The following CDH12 variants were observed in gnomAD, a reference collection of about 807,000 sequenced individuals.
The protein encoded by CDH12 is cadherin 12.
CDH12 carries 41 observed loss-of-function variants against 74.1 expected under a neutral mutation model. That is an observed-to-expected ratio of 0.55 (90% CI 0.43 to 0.72). The LOEUF (loss-of-function observed/expected upper bound fraction) is 0.72. CDH12 is among the 30% of genes least tolerant of loss of function. The pLI, the probability that CDH12 is intolerant of heterozygous loss-of-function variation, is 0.00. For missense variants in CDH12, 945 were observed against 977.2 expected (o/e 0.97, Z 0.44); for synonymous variants, 399 against 355.0 (o/e 1.12, Z -1.39).
At chr5:22,511,953 G>GTT (rs1045105459) in intron 1 of CDH12, among the ~76,000 whole-genome samples, 1 of 151,870 alleles carries the variant, frequency 6.6e-6, no homozygotes, top group Non-Finnish European at 1.5e-5. Context: ...GTGTGTGTGT[G>GTT]TGTGTACATT....
chr5:22,630,383 C>G (rs1028461411), intron 1 of CDH12, among the ~76,000 whole-genome samples: 2 of 151,952 alleles, frequency 1.3e-5, no homozygotes, highest in Non-Finnish European at 2.9e-5. Flanking sequence ...CCACATTATC[C>G]AACTTCGAAC....
chr5:21,811,724 A>C (rs1476149934), intron 9 of CDH12, among the ~76,000 whole-genome samples: 1 of 32,402 alleles, frequency 3.1e-5, no homozygotes, highest in African/African-American at 8.6e-5. Flanking sequence ...TTTTTTTTTT[A>C]CAGTTTTCTC....
At chr5:22,674,704 A>G (rs1156978178) in intron 1 of CDH12, among the ~76,000 whole-genome samples, 2 of 152,166 alleles carry the variant, frequency 1.3e-5, no homozygotes, top group Non-Finnish European at 2.9e-5. Flanking sequence ...GATATGGACA[A>G]AGAGTTCCAG....
intron 4 of CDH12, among the ~76,000 whole-genome samples, chr5:22,198,804 T>C (rs929395402): frequency 6.6e-6 from 1 of 152,108 alleles, no homozygotes; most frequent in African/African-American, 2.4e-5. Context: ...TTTCAATAAA[T>C]ATAACACAAG....
chr5:22,241,568 C>T (rs7711044), intron 3 of CDH12, among the ~76,000 whole-genome samples: 140,789 of 152,006 alleles, frequency 0.93, 65,502 homozygotes, highest in Non-Finnish European at 0.97. Flanking sequence ...GTGTATTTTA[C>T]GTAATTCTTA....
chr5:22,633,876 T>C (rs1738703857), intron 1 of CDH12, among the ~76,000 whole-genome samples: 1 of 152,130 alleles, frequency 6.6e-6, no homozygotes, highest in Non-Finnish European at 1.5e-5. Context: ...GATACACATC[T>C]CCTATTAATT....
intron 10 of CDH12, among the ~76,000 whole-genome samples, chr5:21,795,105 C>A (rs962035044): frequency 1.3e-5 from 2 of 151,538 alleles, no homozygotes; most frequent in Non-Finnish European, 3.0e-5. Context: ...CAATGTGAAT[C>A]TTAATATAAT....
chr5:22,564,846 G>C (rs1347655041), intron 1 of CDH12, among the ~76,000 whole-genome samples: 1 of 152,162 alleles, frequency 6.6e-6, no homozygotes, highest in Non-Finnish European at 1.5e-5. Flanking sequence ...TGGTTATAGT[G>C]AATAGTGCTG....
At chr5:22,443,780 T>A (rs1454962726) in intron 2 of CDH12, among the ~76,000 whole-genome samples, 1 of 152,128 alleles carries the variant, frequency 6.6e-6, no homozygotes, top group Non-Finnish European at 1.5e-5. Flanking sequence ...TTCCAAATTC[T>A]TTTTTGGTTC....
At chr5:22,667,031 T>A (rs1366033071) in intron 1 of CDH12, among the ~76,000 whole-genome samples, 1 of 152,208 alleles carries the variant, frequency 6.6e-6, no homozygotes, top group Non-Finnish European at 1.5e-5. Context: ...CCTCCTCTAT[T>A]CCTATATCAG....
chr5:22,269,155 C>T (rs896186453), intron 3 of CDH12, among the ~76,000 whole-genome samples: 2 of 152,092 alleles, frequency 1.3e-5, no homozygotes, highest in African/African-American at 2.4e-5. Flanking sequence ...TTAAACACTT[C>T]TTGACAAAGA....
chr5:21,884,954 T>A (rs186963056), intron 6 of CDH12, among the ~76,000 whole-genome samples: 333 of 152,188 alleles, frequency 2.2e-3, no homozygotes, highest in Non-Finnish European at 3.6e-3. Flanking sequence ...GGCGTGATCT[T>A]GGCTCACCGC....
At chr5:22,320,526 A>T (rs1454159908) in intron 3 of CDH12, among the ~76,000 whole-genome samples, 1 of 152,170 alleles carries the variant, frequency 6.6e-6, no homozygotes. Context: ...AATATGTAGG[A>T]TATTTTTCAA....
intron 2 of CDH12, among the ~76,000 whole-genome samples, chr5:22,493,195 C>T (rs1561446007): frequency 6.6e-6 from 1 of 152,178 alleles, no homozygotes; most frequent in Non-Finnish European, 1.5e-5. Flanking sequence ...TTTCTGACCA[C>T]CAATCTGAAT....
intron 5 of CDH12, among the ~76,000 whole-genome samples, chr5:22,055,006 C>T (rs999381698): frequency 2.6e-5 from 4 of 152,138 alleles, no homozygotes; most frequent in African/African-American, 9.7e-5. Flanking sequence ...CAATGTCACC[C>T]ACTTTAAAAA....
At position 22,816,328 on chromosome 5, in the gene CDH12, C is replaced by T. The variant is rs1303007540; in HGVS notation, c.-523+36730G>A. 3.3e-5 allele frequency among the ~76,000 whole-genome samples: 5 copies of T among 152,112 alleles called. No homozygotes were observed. In the East Asian group the frequency reaches 9.6e-4, roughly 29 times the overall value. ...CCAGAGGAATCCTGACAGATTCAAA[C>T]CAAGGGCTAGTCCGTAAAGCTTACA... On this transcript the variant is annotated intron_variant, in intron 1 of 14. Transcript: ENST00000382254.
chr5:22,218,258 A>G (rs1461867359), intron 3 of CDH12, among the ~76,000 whole-genome samples: 3 of 151,430 alleles, frequency 2.0e-5, no homozygotes, highest in Non-Finnish European at 4.4e-5. Context: ...CACTCCAAAG[A>G]AAAAAAAGCA....
chr5:21,938,200 G>A (rs1367373697), intron 6 of CDH12, among the ~76,000 whole-genome samples: 1 of 151,926 alleles, frequency 6.6e-6, no homozygotes, highest in Non-Finnish European at 1.5e-5. Context: ...TCTCTCCAGA[G>A]TAGTTAAGCT....
intron 2 of CDH12, among the ~76,000 whole-genome samples, chr5:22,428,852 C>G (rs1008226353): frequency 1.3e-5 from 2 of 152,060 alleles, no homozygotes; most frequent in African/African-American, 4.8e-5. Flanking sequence ...GGGAGAACAG[C>G]CTGCCTTTAG....
Sources: allele counts gnomAD v4.1 joint callset (sites outside exome capture counted in the v4.1 genomes callset), GRCh38; gene constraint gnomAD v4.1.1; transcripts MANE v1.5; gene names NCBI Gene and HGNC (gene_info 2026-07-23, HGNC 2026-07-21).